CNTNAP2: variants seen among roughly 807,000 people sequenced by gnomAD.
The protein encoded by CNTNAP2 is contactin-associated protein-like 2.
A neutral mutation model predicts 155.2 loss-of-function variants in CNTNAP2; 98 were observed. That is an observed-to-expected ratio of 0.63 (90% CI 0.54 to 0.75). The LOEUF is 0.75. CNTNAP2 is among the 30% of genes least tolerant of loss of function. The pLI, the probability that CNTNAP2 is intolerant of heterozygous loss-of-function variation, is 0.00. For missense variants in CNTNAP2, 1,727 were observed against 1,688.1 expected (o/e 1.02, Z -0.40); for synonymous variants, 651 against 631.2 (o/e 1.03, Z -0.47).
At chr7:148,028,041 A>G (rs55645581) in intron 15 of CNTNAP2, among the ~76,000 whole-genome samples, 35,135 of 152,150 alleles carry the variant, frequency 0.23, 4,486 homozygotes, top group Middle Eastern at 0.34. Context: ...TCATACTCAT[A>G]AACATTCTCT....
At chr7:147,872,490 C>T (rs1205078110) in intron 13 of CNTNAP2, among the ~76,000 whole-genome samples, 1 of 152,172 alleles carries the variant, frequency 6.6e-6, no homozygotes, top group East Asian at 1.9e-4. Flanking sequence ...ACCAATCTAC[C>T]TTCTGAGGGT....
intron 14 of CNTNAP2, 124 bp from the exon 15 acceptor site, chr7:147,977,738 T>G: frequency 7.3e-7 from 1 of 1,366,454 alleles, no homozygotes; most frequent in Non-Finnish European, 1.0e-6. Context: ...TAACTGTGGC[T>G]TTACTTAGTA....
At chr7:148,345,199 C>T (rs1255867254) in intron 21 of CNTNAP2, among the ~76,000 whole-genome samples, 1 of 152,066 alleles carries the variant, frequency 6.6e-6, no homozygotes, top group African/African-American at 2.4e-5. Flanking sequence ...AGGAGACGGG[C>T]ATGTGTGTGC....
intron 3 of CNTNAP2, among the ~76,000 whole-genome samples, chr7:146,960,720 G>A (rs1424764695): frequency 1.3e-5 from 2 of 152,110 alleles, no homozygotes; most frequent in Admixed American, 1.3e-4. Flanking sequence ...TTGCTATGAT[G>A]TTTCAATATT....
intron 13 of CNTNAP2, among the ~76,000 whole-genome samples, chr7:147,854,627 C>T (rs76449654): frequency 0.044 from 6,729 of 152,286 alleles, 269 homozygotes; most frequent in Admixed American, 0.12. Context: ...CATCATCCAG[C>T]ACAGTGGTTC....
intron 10 of CNTNAP2, among the ~76,000 whole-genome samples, chr7:147,460,937 G>A (rs1798011589): frequency 1.3e-5 from 2 of 152,130 alleles, no homozygotes. Flanking sequence ...CGAATACATT[G>A]ACTTATTTGG....
chr7:148,191,082 C>G (rs1433802807), intron 18 of CNTNAP2, among the ~76,000 whole-genome samples: 1 of 152,076 alleles, frequency 6.6e-6, no homozygotes, highest in Non-Finnish European at 1.5e-5. Context: ...GAATGTGTCC[C>G]CCAAAAAGCA....
chr7:147,600,310 C>G (rs1175087873), intron 12 of CNTNAP2, among the ~76,000 whole-genome samples: 2 of 152,124 alleles, frequency 1.3e-5, no homozygotes, highest in Admixed American at 6.6e-5. Context: ...GAGGGGTCAG[C>G]AAATGTCCTC....
At chr7:148,040,137 T>C (rs73468151) in intron 15 of CNTNAP2, among the ~76,000 whole-genome samples, 10 of 152,190 alleles carry the variant, frequency 6.6e-5, no homozygotes, top group South Asian at 2.1e-4. Context: ...TAAATTCACA[T>C]CTAGCTTAAG....
intron 4 of CNTNAP2, among the ~76,000 whole-genome samples, chr7:147,105,110 G>A (rs1800739073): frequency 2.0e-5 from 3 of 151,000 alleles, no homozygotes; most frequent in Admixed American, 1.3e-4. Context: ...ATATAGCAAA[G>A]ATATCTTTTA....
chr7:146,473,424 A>T (rs1214381002), intron 1 of CNTNAP2, among the ~76,000 whole-genome samples: 1 of 150,110 alleles, frequency 6.7e-6, no homozygotes, highest in Non-Finnish European at 1.5e-5. Flanking sequence ...TTCTTTTCCT[A>T]TTTTTTCCTT....
At chr7:146,603,441 G>A (rs1196586498) in intron 1 of CNTNAP2, among the ~76,000 whole-genome samples, 1 of 149,998 alleles carries the variant, frequency 6.7e-6, no homozygotes, top group African/African-American at 2.4e-5. Flanking sequence ...ACAAATGGAA[G>A]AACATTCCAT....
chr7:148,365,909 C>CATGTATACATGTAT, intron 21 of CNTNAP2, among the ~76,000 whole-genome samples: 1 of 710 alleles, frequency 1.4e-3, no homozygotes, highest in African/African-American at 2.1e-3. Flanking sequence ...TGTATACATG[C>CATGTATACATGTAT]GTGTATGCAT....
intron 13 of CNTNAP2, among the ~76,000 whole-genome samples, chr7:147,832,169 AACATTTAATTAAATTAT>A (rs1402580330): frequency 1.4e-5 from 1 of 71,784 alleles, no homozygotes; most frequent in Non-Finnish European, 2.7e-5. Context: ...TAATTATATA[AACATTTAATTAAATTAT>A]ACATTTAATT....
At chr7:147,590,554 C>A (rs1006655648) in intron 12 of CNTNAP2, among the ~76,000 whole-genome samples, 38 of 152,180 alleles carry the variant, frequency 2.5e-4, no homozygotes, top group African/African-American at 9.2e-4. Context: ...GTCAATTAAG[C>A]CTCTTTTCTT....
intron 2 of CNTNAP2, among the ~76,000 whole-genome samples, chr7:146,790,349 C>T (rs539392652): frequency 6.6e-6 from 1 of 152,056 alleles, no homozygotes; most frequent in South Asian, 2.1e-4. Flanking sequence ...AATTGGAAAC[C>T]AAATATTGGT....
chr7:146,967,113 C>T (rs546469670), intron 3 of CNTNAP2, among the ~76,000 whole-genome samples: 3 of 152,164 alleles, frequency 2.0e-5, no homozygotes, highest in Admixed American at 6.5e-5. Flanking sequence ...CCTTACTAAA[C>T]GTTTTTACAT....
At chr7:147,316,116 T>C (rs531892467) in intron 9 of CNTNAP2, among the ~76,000 whole-genome samples, 9 of 152,248 alleles carry the variant, frequency 5.9e-5, no homozygotes, top group Non-Finnish European at 7.4e-5. Flanking sequence ...CTTGGGTATA[T>C]ACCTAGGAGT....
intron 12 of CNTNAP2, among the ~76,000 whole-genome samples, chr7:147,601,280 G>A (rs979812590): frequency 7.2e-5 from 11 of 152,054 alleles, no homozygotes; most frequent in Admixed American, 2.0e-4. Context: ...GGGTGCAGGC[G>A]GGCTGAGTCT....
Sources: allele counts gnomAD v4.1 joint callset (sites outside exome capture counted in the v4.1 genomes callset), GRCh38; gene constraint gnomAD v4.1.1; transcripts MANE v1.5; gene names NCBI Gene and HGNC (gene_info 2026-07-23, HGNC 2026-07-21).